GLIPR1: variants seen among roughly 807,000 people sequenced by gnomAD.
GLIPR1 encodes the protein GLI pathogenesis related 1, also known as glioma pathogenesis-related protein 1.
In GLIPR1, 38 loss-of-function variants were observed where a neutral mutation model predicts 30.3. The ratio of observed to expected loss-of-function variants is 1.26; its 90% CI spans 0.97 to 1.65. The LOEUF is 1.65. Ranked by LOEUF, GLIPR1 falls within the 40% of genes most tolerant of loss-of-function variation. The pLI is 0.00. For synonymous variants in GLIPR1, 122 were observed against 110.6 expected, an observed-to-expected ratio of 1.10 and a Z score of -0.65; for missense variants, 285 against 326.5, an observed-to-expected ratio of 0.87 and a Z score of 0.98.
In GLIPR1 at chr12:75,502,568, T is replaced by G. The variant is rs903826400; in HGVS notation, c.*3590T>G. On this transcript the variant is annotated 3_prime_UTR_variant, in exon 6 of 6. Coordinates refer to ENST00000266659, the MANE Select transcript of GLIPR1 (RefSeq NM_006851.3). ...CCTGTCTCCCACTTACATAGCATTA[T>G]TATATCTAAGGCACTGTTCTAAGCT... is the stretch of plus-strand genomic sequence containing the variant. 2.0e-5 allele frequency: 3 copies of G among 152,396 alleles called. No homozygotes were observed. Among genetic ancestry groups the G allele is most frequent in the African/African-American group, 7.2e-5 (3 of 41,432 alleles). 9.4% of individuals were successfully genotyped at this position (152,396 alleles called of 1,614,324 possible).
At chr12:75,489,867 C>T (rs779261857) in intron 2 of GLIPR1, 1 of 152,604 alleles carries the variant, frequency 6.6e-6, no homozygotes, top group African/African-American at 2.4e-5. Context: ...TCTCCCTGAT[C>T]GGTTTCTCTG....
At chr12:75,486,164 AAAGG>A (rs1306876526) in intron 2 of GLIPR1, among the ~76,000 whole-genome samples, 1 of 152,218 alleles carries the variant, frequency 6.6e-6, no homozygotes, top group Non-Finnish European at 1.5e-5. Context: ...TTTACCTACA[AAAGG>A]AAGAGCAATA....
intron 2 of GLIPR1, among the ~76,000 whole-genome samples, 191 bp from the exon 3 acceptor site, chr12:75,490,195 TCACACACACACACACACACA>T (rs71829276): frequency 3.5e-5 from 5 of 141,608 alleles, no homozygotes; most frequent in East Asian, 2.1e-4. Context: ...TTATCTTATT[TCACACACACACACACACACA>T]CACACACACA....
Position 75,495,598 on chromosome 12 carries a change from A to T in GLIPR1, c.555A>T (p.Pro185=), listed in dbSNP as rs917065860. Reference sequence around the variant, plus strand: ...ACAGAGGGAATTACCCAACTTGGCCATATAAGAGAGGAGCCACCTGCAGTG... The same window carrying T: ...ACAGAGGGAATTACCCAACTTGGCCTTATAAGAGAGGAGCCACCTGCAGTG... ...YGPGGNYPTW[P]YKRGATCSAC... Residue 185 remains proline, a synonymous_variant, in exon 4 of 6, where the codon CCA becomes CCT. Coordinates refer to ENST00000266659, the MANE Select transcript of GLIPR1 (RefSeq NM_006851.3). The T allele has an allele frequency of 6.2e-7, 1 of 1,608,798 alleles. No homozygotes were observed. The highest frequency in any genetic ancestry group is 8.5e-7 in the Non-Finnish European group (1 of 1,175,234).
chr12:75,481,613 G>A (rs1213037776), intron 1 of GLIPR1, among the ~76,000 whole-genome samples: 2 of 152,122 alleles, frequency 1.3e-5, no homozygotes, highest in Non-Finnish European at 1.5e-5. Context: ...AGCCTTCAGT[G>A]AAATGTCAGT....
At chr12:75,483,692 C>G (rs80193030) in intron 2 of GLIPR1, 1 of 152,062 alleles carries the variant, frequency 6.6e-6, no homozygotes, top group East Asian at 1.9e-4. Context: ...CTTATCCGGC[C>G]AAAAGGAAGT....
chr12:75,498,746 T>C, intron 5 of GLIPR1, 26 bp downstream of exon 5: 1 of 1,609,462 alleles, frequency 6.2e-7, no homozygotes, highest in East Asian at 2.2e-5. Context: ...TTAAATTGTT[T>C]CATTAAGAGC....
Position 75,503,844 on chromosome 12 carries a change from T to G in GLIPR1, c.*4866T>G. 6.9e-7 allele frequency: 1 copy of G among 1,442,348 alleles called. No individual in the cohort carries two copies. Among genetic ancestry groups the G allele is most frequent in the Middle Eastern group, 2.3e-4 (1 of 4,312 alleles). The allele number at this position is 1,442,348 out of a possible 1,614,324, so 89.3% of individuals were successfully genotyped here. ...CACCTGAAATACTTTCAATAAAGTT[T>G]CTGACCAAATACATTAAAATAGATT... On this transcript the variant is annotated 3_prime_UTR_variant, in exon 6 of 6. Coordinates refer to ENST00000266659, the MANE Select transcript of GLIPR1 (RefSeq NM_006851.3).
chr12:75,502,923 T>G lies in GLIPR1; in HGVS notation c.*3945T>G, dbSNP rs1438079028. 2.0e-5 allele frequency: 3 copies of G among 152,042 alleles called. No individual in the cohort carries two copies. The highest frequency in any genetic ancestry group is 7.2e-5 in the African/African-American group (3 of 41,406). 9.4% of individuals were successfully genotyped at this position (152,042 alleles called of 1,614,324 possible). A position where few individuals can be genotyped will look rare whatever the true frequency, so the allele number is the denominator to read the frequency against. On this transcript the variant is annotated 3_prime_UTR_variant, in exon 6 of 6. Transcript: ENST00000266659. ...CATGATCCAAAACTTCCATTGTTTT[T>G]TCACTATGATCATCATTTTCCCCGT...
At position 75,503,721 on chromosome 12, in the gene GLIPR1, C is replaced by A. The variant is rs574303377; in HGVS notation, c.*4743C>A. On this transcript the variant is annotated 3_prime_UTR_variant, in exon 6 of 6. Transcript: ENST00000266659. ...ATCAATGTGAACGCCCCACTGCACA[C>A]CCCCATGCACTCAGCTCAAAATATG... 3.0e-4 allele frequency: 139 copies of A among 462,460 alleles called. No individual in the cohort carries two copies. The highest frequency in any genetic ancestry group is 4.5e-4 in the Non-Finnish European group (120 of 265,538). The allele number at this position is 462,460 out of a possible 1,614,324, so 28.6% of individuals were successfully genotyped here.
chr12:75,494,495 A>T (rs556392166), intron 3 of GLIPR1: 1 of 152,334 alleles, frequency 6.6e-6, no homozygotes, highest in South Asian at 2.1e-4. Flanking sequence ...AGCCCCCGGT[A>T]GATCTTAATA....
chr12:75,487,422 A>C (rs527812765), intron 2 of GLIPR1, among the ~76,000 whole-genome samples: 1 of 152,380 alleles, frequency 6.6e-6, no homozygotes, highest in South Asian at 2.1e-4. Context: ...CAACCCTTAT[A>C]AAACTGGGCT....
intron 4 of GLIPR1, 21 bp downstream of exon 4, chr12:75,495,683 A>G (rs1250718994): frequency 1.5e-6 from 2 of 1,321,528 alleles, no homozygotes. Context: ...GGAACAATAC[A>G]CCAATAGAAT....
In GLIPR1 at chr12:75,502,203, A is replaced by T. The variant is rs2046399146; in HGVS notation, c.*3225A>T. On this transcript the variant is annotated 3_prime_UTR_variant, in exon 6 of 6. Transcript: ENST00000266659. Reference sequence around the variant, plus strand: ...TGGAGGTAGGAAAGCACCTCCATGGAATACAACCCAGAGTAGTTCAGGGAT... The same window carrying T: ...TGGAGGTAGGAAAGCACCTCCATGGTATACAACCCAGAGTAGTTCAGGGAT... The T allele has an allele frequency of 3.8e-6, 2 of 531,548 alleles. No individual in the cohort carries two copies. The highest frequency in any genetic ancestry group is 3.4e-5 in the Admixed American group (1 of 29,666). 32.9% of individuals were successfully genotyped at this position (531,548 alleles called of 1,614,324 possible).
intron 4 of GLIPR1, chr12:75,498,405 T>A (rs146930608): frequency 2.1e-5 from 5 of 237,472 alleles, no homozygotes; most frequent in Non-Finnish European, 3.2e-5. Context: ...TTTTATTTTT[T>A]AAATTTTATT....
rs533112994 is a variant in GLIPR1 at position 75,482,568 on chromosome 12, C to T, written c.420+489C>T. Reference sequence around the variant, plus strand: ...TGTGCCATGCACTAGGCACCACGCACGGTGCTACACAAGGAGGGAGAAAAA... The same window carrying T: ...TGTGCCATGCACTAGGCACCACGCATGGTGCTACACAAGGAGGGAGAAAAA... On this transcript the variant is annotated intron_variant, in intron 2 of 5. Transcript: ENST00000266659. Among the ~76,000 whole-genome samples, 40 of 152,210 alleles carry T rather than the reference C, an allele frequency of 2.6e-4. No homozygotes were observed. In the South Asian group the frequency reaches 6.6e-3, roughly 25 times the overall value.
chr12:75,497,315 C>T (rs956393397), intron 4 of GLIPR1: 1 of 152,170 alleles, frequency 6.6e-6, no homozygotes, highest in Non-Finnish European at 1.5e-5. Flanking sequence ...GCTCTTTAAT[C>T]TTGGGGAATA....
chr12:75,503,807 AT>A lies in GLIPR1; in HGVS notation c.*4830del. On this transcript the variant is annotated 3_prime_UTR_variant, in exon 6 of 6. Coordinates refer to ENST00000266659, the MANE Select transcript of GLIPR1 (RefSeq NM_006851.3). ...GCACACACACACACAATATATATAT[AT>A]ACACATATCCCACCTGAAATACTTT... is the stretch of plus-strand genomic sequence containing the variant. 1 of 1,066,372 alleles carries A rather than the reference AT, an allele frequency of 9.4e-7. No individual in the cohort carries two copies. Among genetic ancestry groups the A allele is most frequent in the Non-Finnish European group, 1.4e-6 (1 of 728,118 alleles). The allele number at this position is 1,066,372 out of a possible 1,614,324, so 66.1% of individuals were successfully genotyped here. A position where few individuals can be genotyped will look rare whatever the true frequency, so the allele number is the denominator to read the frequency against.
chr12:75,495,754 C>T (rs895265918), intron 4 of GLIPR1, 92 bp downstream of exon 4: 11 of 735,684 alleles, frequency 1.5e-5, no homozygotes, highest in South Asian at 5.7e-5. Context: ...TTTATCTTAA[C>T]GGCTATCTTC....
Sources: allele counts gnomAD v4.1 joint callset (sites outside exome capture counted in the v4.1 genomes callset), GRCh38; gene constraint gnomAD v4.1.1; transcripts MANE v1.5; gene names NCBI Gene and HGNC (gene_info 2026-07-23, HGNC 2026-07-21).